Variants in CASD1 observed in about 807,000 individuals in gnomAD.
The protein encoded by CASD1 is CAS1 domain sialic acid O acetyltransferase 1, also known as N-acetylneuraminate (7)9-O-acetyltransferase.
A neutral mutation model predicts 100.0 loss-of-function variants in CASD1; 41 were observed. That is an observed-to-expected ratio of 0.41 (90% CI 0.32 to 0.53). CASD1 has a LOEUF of 0.53. Among genes scored for constraint, CASD1 ranks in the 20% least tolerant of loss-of-function variants. The pLI is 0.25. For synonymous variants in CASD1, 321 were observed against 315.6 expected (o/e 1.02, Z -0.18); for missense variants, 774 against 948.7 (o/e 0.82, Z 2.42).
the CASD1 span, chr7:94,621,986 C>T: frequency 6.6e-6 from 1 of 152,102 alleles, no homozygotes; most frequent in Non-Finnish European, 1.5e-5. Flanking sequence ...CAATTGATAC[C>T]GGTAAACACC....
At chr7:94,531,098 T>C (rs1386679500) in intron 5 of CASD1, among the ~76,000 whole-genome samples, 2 of 152,150 alleles carry the variant, frequency 1.3e-5, no homozygotes, top group Non-Finnish European at 2.9e-5. Flanking sequence ...CAGAATACTC[T>C]TTCAAGTAAT....
At chr7:94,515,722 C>G (rs954691512) in intron 1 of CASD1, among the ~76,000 whole-genome samples, 1 of 151,772 alleles carries the variant, frequency 6.6e-6, no homozygotes, top group Non-Finnish European at 1.5e-5. Context: ...TAACAACACC[C>G]CCCTCCCCCT....
In CASD1 at chr7:94,555,773, A is replaced by G. The variant is rs1331709281; in HGVS notation, c.*15A>G. On this transcript the variant is annotated 3_prime_UTR_variant, in exon 18 of 18. Coordinates refer to ENST00000297273, the MANE Select transcript of CASD1 (RefSeq NM_022900.5). ...CAAAACATTAGGTTCCAAAAATTCTAAAAAACCTAAACTCTTCAGGCTACC... is the reference window on the plus strand; with the variant it reads ...CAAAACATTAGGTTCCAAAAATTCTGAAAAACCTAAACTCTTCAGGCTACC... 1.2e-6 allele frequency: 2 copies of G among 1,604,694 alleles called. No homozygotes were observed. Among genetic ancestry groups the G allele is most frequent in the South Asian group, 1.1e-5 (1 of 89,780 alleles).
At chr7:94,598,586 G>T in the CASD1 span, 1 of 606,834 alleles carries the variant, frequency 1.6e-6, no homozygotes, top group Admixed American at 2.6e-5. Flanking sequence ...GGGAAAAAAA[G>T]TGCATTTCCT....
chr7:94,549,236 G>A (rs956536646), intron 13 of CASD1, among the ~76,000 whole-genome samples: 1 of 151,480 alleles, frequency 6.6e-6, no homozygotes, highest in Non-Finnish European at 1.5e-5. Context: ...TTTGATTTGG[G>A]GGCTTAAGAA....
downstream of CASD1, among the ~76,000 whole-genome samples, chr7:94,559,276 C>CTCTGTGTG (rs1554417390): frequency 1.5e-5 from 2 of 137,508 alleles, no homozygotes; most frequent in African/African-American, 5.4e-5. Context: ...GTATATATGT[C>CTCTGTGTG]TGTGTGTGTG....
At position 94,555,668 on chromosome 7, in the gene CASD1, C is replaced by T; in HGVS notation, c.2304C>T (p.Asn768=). ...DLAQIIIPKD[N]SSLLKRLACI... ...CACAGATTATTATTCCTAAAGATAA[C>T]TCATCTCTCTTGAAAAGGTTGGCAT... is the stretch of plus-strand genomic sequence containing the variant. The change falls in exon 18 of 18, where the codon AAC becomes AAT. Residue 768 remains asparagine (N), a synonymous_variant. Transcript: ENST00000297273. The T allele has an allele frequency of 1.2e-6, 2 of 1,613,288 alleles. No homozygotes were observed. Among genetic ancestry groups the T allele is most frequent in the African/African-American group, 1.3e-5 (1 of 74,966 alleles).
At chr7:94,619,161 A>G in the CASD1 span, 11 of 557,538 alleles carry the variant, frequency 2.0e-5, no homozygotes, top group African/African-American at 1.7e-4. Context: ...TATCTACAAT[A>G]TAATAAAATC....
chr7:94,515,355 TA>T (rs1793924570), intron 1 of CASD1, among the ~76,000 whole-genome samples: 1 of 152,022 alleles, frequency 6.6e-6, no homozygotes, highest in Admixed American at 6.6e-5. Context: ...CAGTATTCTC[TA>T]AAAACTGTGT....
the CASD1 span, among the ~76,000 whole-genome samples, chr7:94,590,306 A>G: frequency 6.6e-6 from 1 of 152,146 alleles, no homozygotes; most frequent in African/African-American, 2.4e-5. Flanking sequence ...CCACCTTCCT[A>G]TGCATCCTCA....
intron 10 of CASD1, among the ~76,000 whole-genome samples, chr7:94,541,587 G>A (rs376140743): frequency 9.6e-6 from 1 of 104,492 alleles, no homozygotes; most frequent in Non-Finnish European, 1.7e-5. Context: ...GAGTTTGTAA[G>A]TAACTTCCAT....
chr7:94,525,580 G>A (rs978298366), intron 3 of CASD1, among the ~76,000 whole-genome samples: 1 of 152,148 alleles, frequency 6.6e-6, no homozygotes. Context: ...ATTAATTACT[G>A]TATGCAAAGT....
the CASD1 span, among the ~76,000 whole-genome samples, chr7:94,594,756 C>T: frequency 6.6e-6 from 1 of 151,986 alleles, no homozygotes; most frequent in Admixed American, 6.6e-5. Context: ...ACAATCATTC[C>T]AAAATAAAAA....
the CASD1 span, among the ~76,000 whole-genome samples, chr7:94,562,750 A>C: frequency 2.0e-5 from 3 of 152,184 alleles, no homozygotes; most frequent in Admixed American, 2.0e-4. Context: ...CTGCAAACTC[A>C]AGGTGTTGGT....
the CASD1 span, among the ~76,000 whole-genome samples, chr7:94,567,768 A>G: frequency 6.6e-6 from 1 of 152,180 alleles, no homozygotes; most frequent in Non-Finnish European, 1.5e-5. Flanking sequence ...AAAATAAAAT[A>G]TTAAGGGCAG....
intron 8 of CASD1, 66 bp downstream of exon 8, chr7:94,535,589 ATTATAACATGG>A (rs1251462554): frequency 4.0e-5 from 44 of 1,113,206 alleles, no homozygotes; most frequent in Non-Finnish European, 5.9e-5. Flanking sequence ...GCCATAAGTC[ATTATAACATGG>A]TTATAAATAA....
At chr7:94,624,481 C>G in the CASD1 span, 2 of 346,046 alleles carry the variant, frequency 5.8e-6, no homozygotes, top group Non-Finnish European at 1.0e-5. Context: ...GTTAAAAGAA[C>G]CTCTCTCTCC....
chr7:94,610,584 A>G, the CASD1 span, among the ~76,000 whole-genome samples: 8 of 152,302 alleles, frequency 5.3e-5, no homozygotes, highest in East Asian at 1.5e-3. Flanking sequence ...TGTAAATATG[A>G]CCTTGGATTA....
chr7:94,589,083 A>C, the CASD1 span: 1 of 321,902 alleles, frequency 3.1e-6, no homozygotes, highest in Non-Finnish European at 6.0e-6. Context: ...AAAGATGTGA[A>C]CACAGTGGCT....
Sources: allele counts gnomAD v4.1 joint callset (sites outside exome capture counted in the v4.1 genomes callset), GRCh38; gene constraint gnomAD v4.1.1; transcripts MANE v1.5; gene names NCBI Gene and HGNC (gene_info 2026-07-23, HGNC 2026-07-21).